Variants in CCL26 observed in about 807,000 individuals in gnomAD.
The protein encoded by CCL26 is C-C motif chemokine ligand 26, also known as C-C motif chemokine 26.
Under a neutral mutation model 10.7 loss-of-function variants are expected in CCL26, and 10 were observed. That is an observed-to-expected ratio of 0.93 (90% CI 0.57 to 1.58). The LOEUF (loss-of-function observed/expected upper bound fraction) is 1.58, where lower values mean the gene tolerates loss of function less well. Among genes scored for constraint, CCL26 ranks in the 40% most tolerant of loss-of-function variants. The probability of loss-of-function intolerance (pLI) is 0.00; values close to 1 mark genes in which losing one functional copy is unlikely to be tolerated. For synonymous variants in CCL26, 43 were observed against 41.4 expected, an observed-to-expected ratio of 1.04 and a Z score of -0.15; for missense variants, 116 against 111.0, an observed-to-expected ratio of 1.05 and a Z score of -0.20.
At chr7:75,775,017 C>T (rs1366874736), upstream of CCL26, among the ~76,000 whole-genome samples, 1 of 151,982 alleles carries the variant, frequency 6.6e-6, no homozygotes, top group Non-Finnish European at 1.5e-5. Flanking sequence ...GTCAGGAGTT[C>T]AAGATGAGTC....
At chr7:75,778,941 T>A (rs1393058162) in intron 1 of CCL26, among the ~76,000 whole-genome samples, 5 of 152,068 alleles carry the variant, frequency 3.3e-5, no homozygotes, top group Non-Finnish European at 7.4e-5. Context: ...AGCTAAGCCA[T>A]CATATCCCCA....
chr7:75,787,470 C>A (rs1803222522), intron 1 of CCL26, among the ~76,000 whole-genome samples: 1 of 151,668 alleles, frequency 6.6e-6, no homozygotes, highest in Non-Finnish European at 1.5e-5. Flanking sequence ...TGGTGAAACC[C>A]CGTCTGTACT....
upstream of CCL26, among the ~76,000 whole-genome samples, chr7:75,776,518 AAGGAAGGAAGG>A (rs1554528715): frequency 5.9e-3 from 2 of 340 alleles, no homozygotes; most frequent in East Asian, 0.042. Flanking sequence ...TCCAAAAAGG[AAGGAAGGAAGG>A]AAGGAAGGAA....
intron 1 of CCL26, among the ~76,000 whole-genome samples, chr7:75,777,574 T>G (rs1381989089): frequency 6.6e-6 from 1 of 151,672 alleles, no homozygotes; most frequent in Non-Finnish European, 1.5e-5. Flanking sequence ...ATAGCAAGAC[T>G]CCATCTCTAC....
chr7:75,772,020 G>C lies in CCL26; in HGVS notation c.74-17C>G. 1 of 1,608,332 alleles carries C rather than the reference G, an allele frequency of 6.2e-7. No individual in the cohort carries two copies. The highest frequency in any genetic ancestry group is 8.5e-7 in the Non-Finnish European group (1 of 1,174,664). On this transcript the variant is annotated splice_polypyrimidine_tract_variant and intron_variant, in intron 1 of 2. Coordinates refer to ENST00000005180, the MANE Select transcript of CCL26 (RefSeq NM_001371938.1). ...CACTCCCACCTAAAAATCAGGGAGA[G>C]GAAGGGTTTGGAGATACTCATTTCC...
chr7:75,781,310 T>C (rs1301063203), intron 1 of CCL26, among the ~76,000 whole-genome samples: 3 of 152,226 alleles, frequency 2.0e-5, no homozygotes, highest in African/African-American at 7.2e-5. Flanking sequence ...TGCAATTCCT[T>C]GCCTCCACTG....
At chr7:75,770,800 G>A (rs550431230) in intron 2 of CCL26, among the ~76,000 whole-genome samples, 3 of 151,334 alleles carry the variant, frequency 2.0e-5, no homozygotes, top group East Asian at 2.0e-4. Flanking sequence ...CTCAGCCTCC[G>A]GAGTAACTGG....
intron 1 of CCL26, among the ~76,000 whole-genome samples, chr7:75,780,124 G>C (rs1174600179): frequency 1.4e-5 from 2 of 141,894 alleles, no homozygotes; most frequent in African/African-American, 2.7e-5. Context: ...TGGGGGGCAA[G>C]CACCTCCTAC....
chr7:75,771,889 A>G lies in CCL26; in HGVS notation c.188T>C (p.Ile63Thr). The change falls in exon 2 of 3, where the codon ATA becomes ACA. Residue 63 changes from isoleucine (I) to threonine (T), a missense_variant and splice_region_variant. Transcript: ENST00000005180. ...GAAAGTACGTCCGAGAAATACTCAC[A>G]TCACAGCCCGCTGGGAGCAGCTGTT... ...TSNSCSQRAV[I>T]FTTKRGKKVC... 1 of 1,607,916 alleles carries G rather than the reference A, an allele frequency of 6.2e-7. No individual in the cohort carries two copies. Among genetic ancestry groups the G allele is most frequent in the Non-Finnish European group, 8.5e-7 (1 of 1,174,296 alleles).
chr7:75,788,548 C>T (rs1297336340), intron 1 of CCL26, among the ~76,000 whole-genome samples: 1 of 152,078 alleles, frequency 6.6e-6, no homozygotes, highest in Non-Finnish European at 1.5e-5. Context: ...GGTCTCTTCA[C>T]ATGGACGCGA....
upstream of CCL26, among the ~76,000 whole-genome samples, chr7:75,790,137 C>A (rs967946873): frequency 6.8e-6 from 1 of 147,224 alleles, no homozygotes; most frequent in African/African-American, 2.5e-5. Context: ...TTCTTTCTCT[C>A]TCTCTCTTTC....
chr7:75,771,355 G>T (rs10275464), intron 2 of CCL26, among the ~76,000 whole-genome samples: 43,621 of 151,986 alleles, frequency 0.29, 6,757 homozygotes, highest in African/African-American at 0.4. Flanking sequence ...TCATTTAATT[G>T]TTAGCCACAT....
At chr7:75,771,175 C>T (rs1802812763) in intron 2 of CCL26, among the ~76,000 whole-genome samples, 1 of 152,080 alleles carries the variant, frequency 6.6e-6, no homozygotes, top group African/African-American at 2.4e-5. Context: ...GCCTTGAACT[C>T]CTGGGCTCAA....
chr7:75,770,088 G>A (rs1348312859), intron 2 of CCL26, among the ~76,000 whole-genome samples: 1 of 112,610 alleles, frequency 8.9e-6, no homozygotes, highest in Non-Finnish European at 1.9e-5. Flanking sequence ...TTTTTTTTTT[G>A]AGACGAACTC....
Position 75,772,064 on chromosome 7 carries a change from C to T in CCL26, c.73+40G>A, listed in dbSNP as rs377743269. 4.1e-5 allele frequency: 65 copies of T among 1,604,870 alleles called. No individual in the cohort carries two copies. In the African/African-American group the frequency reaches 5.6e-4, roughly 14 times the overall value. ...CATTTCCATCCACTCCCAGGCGGTC[C>T]GGGAAGGAACCCCAGGAGGGGAATG... On this transcript the variant is annotated intron_variant, in intron 1 of 2. Transcript: ENST00000005180.
At chr7:75,776,587 G>A (rs1802947721), upstream of CCL26, among the ~76,000 whole-genome samples, 1 of 145,968 alleles carries the variant, frequency 6.9e-6, no homozygotes, top group African/African-American at 2.5e-5. Context: ...GAAGGAAGAA[G>A]GAAAGCAAGC....
chr7:75,771,745 C>T, intron 2 of CCL26, 144 bp downstream of exon 2: 1 of 631,014 alleles, frequency 1.6e-6, no homozygotes, highest in Non-Finnish European at 2.9e-6. Flanking sequence ...TCAGGTTCTA[C>T]CTGAAGCTCA....
chr7:75,775,242 T>G (rs781906729), upstream of CCL26, among the ~76,000 whole-genome samples: 1 of 152,092 alleles, frequency 6.6e-6, no homozygotes, highest in Admixed American at 6.6e-5. Context: ...ACAAATTCTT[T>G]TTTGACTGAA....
At chr7:75,770,673 G>T (rs951080200) in intron 2 of CCL26, among the ~76,000 whole-genome samples, 1 of 151,356 alleles carries the variant, frequency 6.6e-6, no homozygotes, top group Non-Finnish European at 1.5e-5. Flanking sequence ...GAGCCACCAC[G>T]CCCGGCCTAT....
Sources: gnomAD v4.1 joint callset for allele counts (sites outside exome capture counted in the v4.1 genomes callset) on GRCh38, gnomAD v4.1.1 for gene constraint, MANE v1.5 for transcripts, NCBI Gene and HGNC (gene_info 2026-07-23, HGNC 2026-07-21) for gene names.